AGMO: variants seen among roughly 807,000 people sequenced by gnomAD.
The protein encoded by AGMO is glyceryl-ether monooxygenase.
A neutral mutation model predicts 60.2 loss-of-function variants in AGMO; 75 were observed. The ratio of observed to expected loss-of-function variants is 1.25; its 90% CI spans 1.03 to 1.51. AGMO has a LOEUF of 1.51. Among genes scored for constraint, AGMO ranks in the 40% most tolerant of loss-of-function variants. AGMO has a pLI of 0.00. For missense variants in AGMO, 763 were observed against 525.5 expected, an observed-to-expected ratio of 1.45 and a Z score of -4.42; for synonymous variants, 261 against 177.1, an observed-to-expected ratio of 1.47 and a Z score of -3.76.
intron 3 of AGMO, among the ~76,000 whole-genome samples, 194 bp from the exon 4 acceptor site, chr7:15,431,302 A>G (rs1781232784): frequency 6.6e-6 from 1 of 151,904 alleles, no homozygotes; most frequent in African/African-American, 2.4e-5. Context: ...CATTGTAAAT[A>G]AATAAAAATG....
At chr7:15,261,406 G>T (rs141756976) in intron 12 of AGMO, among the ~76,000 whole-genome samples, 3 of 151,906 alleles carry the variant, frequency 2.0e-5, no homozygotes. Context: ...TCCTACAAGA[G>T]ATGAATATAT....
At chr7:15,359,724 C>T (rs1782680052) in intron 12 of AGMO, among the ~76,000 whole-genome samples, 1 of 152,114 alleles carries the variant, frequency 6.6e-6, no homozygotes, top group African/African-American at 2.4e-5. Context: ...TTGAGTAATC[C>T]ACATTTGCCA....
chr7:15,459,599 T>TGTGTGTGTGTGTGTG (rs1554274867), intron 3 of AGMO, among the ~76,000 whole-genome samples: 4,041 of 142,172 alleles, frequency 0.028, 125 homozygotes, highest in East Asian at 0.069. Flanking sequence ...GTATGTGCGT[T>TGTGTGTGTGTGTGTG]TGTGTGTGTG....
chr7:15,322,319 C>G (rs970103086), intron 12 of AGMO, among the ~76,000 whole-genome samples: 1 of 146,546 alleles, frequency 6.8e-6, no homozygotes, highest in African/African-American at 2.5e-5. Context: ...TTATAGAAAA[C>G]TGGCAGATAT....
chr7:15,510,722 T>C (rs1332573625), intron 3 of AGMO, among the ~76,000 whole-genome samples: 2 of 150,314 alleles, frequency 1.3e-5, no homozygotes, highest in African/African-American at 4.9e-5. Flanking sequence ...ATGTGGAATC[T>C]AAATACATCA....
At chr7:15,555,292 T>TACACAC (rs58173194) in intron 2 of AGMO, among the ~76,000 whole-genome samples, 1,009 of 95,824 alleles carry the variant, frequency 0.011, 15 homozygotes, top group Non-Finnish European at 0.016. Context: ...TATATATATA[T>TACACAC]ACACACACAC....
intron 3 of AGMO, among the ~76,000 whole-genome samples, chr7:15,536,253 A>G (rs1277869206): frequency 1.3e-5 from 2 of 151,906 alleles, no homozygotes; most frequent in African/African-American, 2.4e-5. Flanking sequence ...ATCTCAGTTA[A>G]TAAGTGTCAG....
intron 3 of AGMO, among the ~76,000 whole-genome samples, chr7:15,485,637 T>A (rs928529457): frequency 3.3e-5 from 5 of 152,104 alleles, no homozygotes; most frequent in African/African-American, 4.8e-5. Context: ...GGGGGAGTCT[T>A]AGAGAAGTTA....
rs1784936793 is a variant in AGMO, at chr7:15,550,913, C to T, written c.258-5990G>A. On this transcript the variant is annotated intron_variant, in intron 2 of 12. Transcript: ENST00000342526. ...CCTTGATGAACATTGATGCAAAAAT[C>T]CTCAATAAAATACTGGCAAACCGAA... is the stretch of plus-strand genomic sequence containing the variant. 2.2e-5 allele frequency among the ~76,000 whole-genome samples: 3 copies of T among 137,480 alleles called. No homozygotes were observed. In the South Asian group the frequency reaches 7.7e-4, roughly 35 times the overall value. The allele number at this position is 137,480 out of a possible 152,430, so 90.2% of individuals were successfully genotyped here. A position where few individuals can be genotyped will look rare whatever the true frequency, so the allele number is the denominator to read the frequency against.
intron 10 of AGMO, among the ~76,000 whole-genome samples, chr7:15,367,699 A>T (rs576869772): frequency 1.3e-5 from 2 of 152,090 alleles, no homozygotes; most frequent in Non-Finnish European, 2.9e-5. Flanking sequence ...TGGATCAGTA[A>T]ATTCAAAGTA....
At chr7:15,193,888 G>A in the AGMO span, among the ~76,000 whole-genome samples, 4 of 152,004 alleles carry the variant, frequency 2.6e-5, no homozygotes. Flanking sequence ...AACATCAATT[G>A]TACAACAAAT....
chr7:15,424,985 A>G (rs188932188), intron 4 of AGMO, among the ~76,000 whole-genome samples: 3 of 152,338 alleles, frequency 2.0e-5, no homozygotes, highest in African/African-American at 7.2e-5. Flanking sequence ...AATGTAATAA[A>G]AAGATCTGAG....
rs1390379129 is a variant in AGMO, at chr7:15,549,262, C to T, written c.258-4339G>A. ...ACTAGGAAGAAACTGCATCAACTAA[C>T]GAGCAAAATCACCAGCTAACATCAT... On this transcript the variant is annotated intron_variant, in intron 2 of 12. Transcript: ENST00000342526. Among the ~76,000 whole-genome samples the T allele has an allele frequency of 2.4e-3, 350 of 144,768 alleles. 1 individual carries two copies. The highest frequency in any genetic ancestry group is 3.7e-3 in the Non-Finnish European group (246 of 65,926). 95.0% of individuals were successfully genotyped at this position (144,768 alleles called of 152,430 possible). A position where few individuals can be genotyped will look rare whatever the true frequency, so the allele number is the denominator to read the frequency against.
At chr7:15,148,182 C>T in the AGMO span, among the ~76,000 whole-genome samples, 3 of 151,976 alleles carry the variant, frequency 2.0e-5, no homozygotes, top group African/African-American at 2.4e-5. Flanking sequence ...TATTCTCCTT[C>T]TGCCTAAAGT....
chr7:15,450,288 C>T (rs546770374), intron 3 of AGMO, among the ~76,000 whole-genome samples: 18 of 151,748 alleles, frequency 1.2e-4, no homozygotes, highest in African/African-American at 3.1e-4. Flanking sequence ...GGCATGGTGG[C>T]GGGCGCATGT....
intron 3 of AGMO, among the ~76,000 whole-genome samples, chr7:15,520,028 A>ACG (rs1783936818): frequency 6.6e-6 from 1 of 151,978 alleles, no homozygotes; most frequent in African/African-American, 2.4e-5. Context: ...AAAGAAAAGA[A>ACG]AAATGCAGGG....
At chr7:15,379,056 T>C (rs2043525393) in intron 10 of AGMO, among the ~76,000 whole-genome samples, 1 of 152,004 alleles carries the variant, frequency 6.6e-6, no homozygotes, top group African/African-American at 2.4e-5. Flanking sequence ...AGAAGTTCTT[T>C]GAAACTAATG....
At chr7:15,280,146 G>T (rs1406977983) in intron 12 of AGMO, among the ~76,000 whole-genome samples, 2 of 152,160 alleles carry the variant, frequency 1.3e-5, no homozygotes, top group African/African-American at 4.8e-5. Context: ...GGACTGGGAG[G>T]GGAATGGTCT....
intron 6 of AGMO, among the ~76,000 whole-genome samples, chr7:15,391,451 C>T (rs558879244): frequency 4.6e-5 from 7 of 151,810 alleles, no homozygotes; most frequent in Middle Eastern, 3.4e-3. Context: ...TTTTTCCTGC[C>T]GCTAAATAAT....
Sources: allele counts gnomAD v4.1 joint callset (sites outside exome capture counted in the v4.1 genomes callset), GRCh38; gene constraint gnomAD v4.1.1; transcripts MANE v1.5; gene names NCBI Gene and HGNC (gene_info 2026-07-23, HGNC 2026-07-21).